ANKRD28: variants seen among roughly 807,000 people sequenced by gnomAD.
ANKRD28 encodes the protein ankyrin repeat domain 28.
Under a neutral mutation model 126.5 loss-of-function variants are expected in ANKRD28, and 44 were observed. That is an observed-to-expected ratio of 0.35 (90% confidence interval 0.27 to 0.45). ANKRD28 has a LOEUF of 0.45. Among genes scored for constraint, ANKRD28 ranks in the 20% least tolerant of loss-of-function variants. ANKRD28 has a pLI of 1.00. For missense variants in ANKRD28, 1,110 were observed against 1,316.6 expected (o/e 0.84, Z 2.43); for synonymous variants, 442 against 468.5 (o/e 0.94, Z 0.73).
upstream of ANKRD28, among the ~76,000 whole-genome samples, chr3:15,800,859 G>GT (rs2060448983): frequency 1.3e-5 from 2 of 152,008 alleles, no homozygotes; most frequent in Admixed American, 1.3e-4. Context: ...AAATATGTCA[G>GT]TTTTTAAATT....
intron 14 of ANKRD28, among the ~76,000 whole-genome samples, chr3:15,702,916 C>A (rs1459999380): frequency 6.6e-6 from 1 of 151,378 alleles, no homozygotes; most frequent in East Asian, 1.9e-4. Flanking sequence ...CCAAACAATT[C>A]ATATATACTA....
chr3:15,757,926 T>C (rs1267343471), intron 3 of ANKRD28, among the ~76,000 whole-genome samples: 1 of 152,174 alleles, frequency 6.6e-6, no homozygotes, highest in African/African-American at 2.4e-5. Flanking sequence ...AAATATTAAA[T>C]ATGTAGCTTT....
rs1262721360 is a variant in ANKRD28, at chr3:15,838,988, A to C, written c.27+20389T>G. Among the ~76,000 whole-genome samples, 1 of 152,150 alleles carries C rather than the reference A, an allele frequency of 6.6e-6. No homozygotes were observed. The highest frequency in any genetic ancestry group is 1.9e-4 in the East Asian group (1 of 5,194). On this transcript the variant is annotated intron_variant, in intron 1 of 27. Coordinates refer to the ANKRD28 transcript ENST00000399451. This position sits in a 1 kb window ranked among gnomAD's most constrained non-coding sequence, Gnocchi z 4.0. ...TGAACCTCAACAACATTTATACCAAATTTTTAAAAGCCAGACAAAAAATGA... is the reference window on the plus strand; with the variant it reads ...TGAACCTCAACAACATTTATACCAACTTTTTAAAAGCCAGACAAAAAATGA...
intron 17 of ANKRD28, among the ~76,000 whole-genome samples, chr3:15,692,200 C>T (rs2068904171): frequency 6.7e-6 from 1 of 149,118 alleles, no homozygotes; most frequent in Non-Finnish European, 1.5e-5. Flanking sequence ...ACCTATATCT[C>T]AGCACTTTGG....
chr3:15,808,946 C>T lies in ANKRD28; in HGVS notation c.28-13640G>A, dbSNP rs190384105. On this transcript the variant is annotated intron_variant, in intron 1 of 27. Coordinates refer to the ANKRD28 transcript ENST00000399451. ...TAATATTTTTACCTATTTTTCTGGT[C>T]CCTTTTCTGGTCCTTTTCACTTGGT... is the stretch of plus-strand genomic sequence containing the variant. Among the ~76,000 whole-genome samples the T allele has an allele frequency of 2.6e-3, 401 of 152,096 alleles. 3 individuals carry two copies. The highest frequency in any genetic ancestry group is 0.01 in the Middle Eastern group (3 of 294).
chr3:15,690,366 G>GT (rs1285351813), intron 17 of ANKRD28, 146 bp from the exon 18 acceptor site: 2 of 669,518 alleles, frequency 3.0e-6, no homozygotes, highest in Non-Finnish European at 4.9e-6. Context: ...AATTCAGGAA[G>GT]TTAACTACAG....
At chr3:15,788,613 A>C (rs569618717) in intron 2 of ANKRD28, among the ~76,000 whole-genome samples, 2 of 152,190 alleles carry the variant, frequency 1.3e-5, no homozygotes, top group Non-Finnish European at 2.9e-5. Context: ...TAAAAAATTA[A>C]TATTTGTAGA....
intron 6 of ANKRD28, among the ~76,000 whole-genome samples, chr3:15,724,931 T>G (rs2074042723): frequency 6.6e-6 from 1 of 152,132 alleles, no homozygotes; most frequent in African/African-American, 2.4e-5. Flanking sequence ...CAGTGAGCTG[T>G]GATCATGCCA....
chr3:15,679,501 C>G lies in ANKRD28; in HGVS notation c.2452G>C (p.Ala818Pro). 1 of 1,613,870 alleles carries G rather than the reference C, an allele frequency of 6.2e-7. No homozygotes were observed. The highest frequency in any genetic ancestry group is 8.5e-7 in the Non-Finnish European group (1 of 1,179,852). Residue 818 changes from alanine (A) to proline (P), a missense_variant, in exon 22 of 28, where the codon GCT becomes CCT. Transcript: ENST00000683139. Reference protein sequence around the residue: ...QEVFQKTEGNAFSPLHCAVIN... With the variant: ...QEVFQKTEGNPFSPLHCAVIN... ...ACGGCACAATGCAATGGACTAAAAGCATTTCCTTCCGTTTTCTGGAAAACT... is the reference window on the plus strand; with the variant it reads ...ACGGCACAATGCAATGGACTAAAAGGATTTCCTTCCGTTTTCTGGAAAACT...
At chr3:15,858,955 C>A (rs1383679801) in intron 1 of ANKRD28, among the ~76,000 whole-genome samples, 1 of 152,204 alleles carries the variant, frequency 6.6e-6, no homozygotes. Flanking sequence ...GAGAGAGAGT[C>A]CCTCGCACTA....
At chr3:15,680,361 G>A (rs1000421793) in intron 21 of ANKRD28, among the ~76,000 whole-genome samples, 2 of 151,844 alleles carry the variant, frequency 1.3e-5, no homozygotes, top group Non-Finnish European at 2.9e-5. Context: ...CCACCACCAT[G>A]CCCAGCTAGC....
chr3:15,683,392 T>A (rs1273272208), intron 21 of ANKRD28, among the ~76,000 whole-genome samples: 2 of 152,196 alleles, frequency 1.3e-5, no homozygotes, highest in Admixed American at 1.3e-4. Context: ...TCTTCTTTGT[T>A]CTAGTATGAG....
chr3:15,690,676 C>T (rs1443681822), intron 17 of ANKRD28, among the ~76,000 whole-genome samples: 1 of 152,106 alleles, frequency 6.6e-6, no homozygotes, highest in Non-Finnish European at 1.5e-5. Flanking sequence ...GTGATCCTCC[C>T]ACCTCAGCCT....
chr3:15,687,926 G>A (rs1199026863), intron 18 of ANKRD28, among the ~76,000 whole-genome samples: 1 of 152,118 alleles, frequency 6.6e-6, no homozygotes, highest in Non-Finnish European at 1.5e-5. Context: ...GAAATGACTG[G>A]TAAACCTCCA....
intron 2 of ANKRD28, among the ~76,000 whole-genome samples, chr3:15,794,734 CA>C: frequency 6.6e-6 from 1 of 152,202 alleles, no homozygotes; most frequent in Middle Eastern, 3.4e-3. Context: ...ATTAATCAAG[CA>C]CCATTGTAAA....
chr3:15,758,379 A>C (rs1415513423), intron 3 of ANKRD28, among the ~76,000 whole-genome samples: 1 of 152,224 alleles, frequency 6.6e-6, no homozygotes, highest in African/African-American at 2.4e-5. Flanking sequence ...AATGCTGAAA[A>C]AAATAGCTGC....
At chr3:15,842,426 A>G (rs6802048) in intron 1 of ANKRD28, among the ~76,000 whole-genome samples, 80,387 of 150,656 alleles carry the variant, frequency 0.53, 22,296 homozygotes, top group Admixed American at 0.61. Context: ...ATCCTTTCTC[A>G]GAGGCTGGGA....
chr3:15,808,759 G>A (rs1368152047), intron 1 of ANKRD28, among the ~76,000 whole-genome samples: 1 of 129,224 alleles, frequency 7.7e-6, no homozygotes, highest in Non-Finnish European at 1.6e-5. Flanking sequence ...CACTCCTTTT[G>A]TTTGTTTGTT....
Position 15,846,039 on chromosome 3 carries a change from T to G in ANKRD28, c.27+13338A>C, listed in dbSNP as rs1299988808. Reference sequence around the variant, plus strand: ...ACCATATCATTCCACACCTGGCCACTCCCAAATCTCATGTCCTTTTCACAT... The same window carrying G: ...ACCATATCATTCCACACCTGGCCACGCCCAAATCTCATGTCCTTTTCACAT... On this transcript the variant is annotated intron_variant, in intron 1 of 27. Coordinates refer to the ANKRD28 transcript ENST00000399451. The surrounding 1 kb of genome is among the most constrained non-coding windows in gnomAD (Gnocchi z 5.4). Among the ~76,000 whole-genome samples the G allele has an allele frequency of 2.0e-5, 3 of 152,056 alleles. No individual in the cohort carries two copies. Among genetic ancestry groups the G allele is most frequent in the African/African-American group, 7.2e-5 (3 of 41,396 alleles).
Sources: gnomAD v4.1 joint callset for allele counts (sites outside exome capture counted in the v4.1 genomes callset) on GRCh38, gnomAD v4.1.1 for gene constraint, Gnocchi (gnomAD v3.1) non-coding constraint, MANE v1.5 for transcripts, NCBI Gene and HGNC (gene_info 2026-07-23, HGNC 2026-07-21) for gene names.